KCNT1: variants seen among roughly 807,000 people sequenced by gnomAD.
KCNT1 encodes potassium channel subfamily T member 1.
A neutral mutation model predicts 147.8 loss-of-function variants in KCNT1; 78 were observed. That is an observed-to-expected ratio of 0.53 (90% CI 0.44 to 0.64). KCNT1 has a LOEUF of 0.64. KCNT1 is among the 30% of genes least tolerant of loss of function. The probability of loss-of-function intolerance (pLI) is 0.00; values close to 1 mark genes in which losing one functional copy is unlikely to be tolerated. For synonymous variants in KCNT1, 867 were observed against 748.8 expected, an observed-to-expected ratio of 1.16 and a Z score of -2.58; for missense variants, 1,419 against 1,750.3, an observed-to-expected ratio of 0.81 and a Z score of 3.38.
At chr9:135,727,031 T>C (rs1357926236) in intron 2 of KCNT1, among the ~76,000 whole-genome samples, 9 of 64,810 alleles carry the variant, frequency 1.4e-4, no homozygotes, top group Non-Finnish European at 2.2e-4. Flanking sequence ...CTCCCTCTCT[T>C]TCCCATTCTC....
At chr9:135,706,904 C>T (rs1226830277) in intron 1 of KCNT1, among the ~76,000 whole-genome samples, 1 of 152,056 alleles carries the variant, frequency 6.6e-6, no homozygotes, top group Admixed American at 6.5e-5. Flanking sequence ...AGCAGGGGCC[C>T]TGTGCCTCAG....
At chr9:135,750,710 C>T (rs572172222) in intron 3 of KCNT1, 10 of 586,234 alleles carry the variant, frequency 1.7e-5, no homozygotes, top group Admixed American at 1.2e-4. Context: ...ATCCCCTGCA[C>T]CCCAAGTTCA....
At chr9:135,774,609 T>G (rs1219180862) in intron 19 of KCNT1, among the ~76,000 whole-genome samples, 1 of 151,196 alleles carries the variant, frequency 6.6e-6, no homozygotes, top group African/African-American at 2.4e-5. Context: ...TGTTGTGTGT[T>G]GTGTATGTTG....
intron 2 of KCNT1, chr9:135,742,782 G>A (rs988103241): frequency 5.6e-6 from 4 of 717,276 alleles, no homozygotes; most frequent in South Asian, 1.5e-5. Flanking sequence ...GCTTCCTGTA[G>A]AAGATTTCAG....
chr9:135,718,646 G>T (rs554547833), intron 2 of KCNT1, among the ~76,000 whole-genome samples: 1 of 152,316 alleles, frequency 6.6e-6, no homozygotes, highest in African/African-American at 2.4e-5. Context: ...GGTGCAATGT[G>T]GGGGCTCAGC....
chr9:135,708,771 C>T (rs1354955832), intron 1 of KCNT1, among the ~76,000 whole-genome samples: 1 of 152,208 alleles, frequency 6.6e-6, no homozygotes, highest in African/African-American at 2.4e-5. Context: ...TCAGGAACTC[C>T]TGGGCTCAAG....
chr9:135,756,747 G>A (rs1831504748), intron 6 of KCNT1, 126 bp from the exon 7 acceptor site: 1 of 808,430 alleles, frequency 1.2e-6, no homozygotes, highest in Non-Finnish European at 2.2e-6. Flanking sequence ...ACATGGGAGT[G>A]AGGGTCAAGG....
chr9:135,766,063 A>G (rs1057478283), intron 13 of KCNT1, among the ~76,000 whole-genome samples: 26 of 95,258 alleles, frequency 2.7e-4, no homozygotes, highest in Admixed American at 2.1e-3. Context: ...TCCAGGGTGG[A>G]CCATCTGGGG....
intron 2 of KCNT1, among the ~76,000 whole-genome samples, chr9:135,725,337 G>T (rs1272547867): frequency 6.6e-6 from 1 of 152,238 alleles, no homozygotes; most frequent in Non-Finnish European, 1.5e-5. Flanking sequence ...ATTAGTTGAG[G>T]ATCTCAAGGT....
rs1366682857 is a variant in KCNT1, at chr9:135,768,506, C to T, written c.1338-104C>T. 20 of 792,998 alleles carry T rather than the reference C, an allele frequency of 2.5e-5. No individual in the cohort carries two copies. In the East Asian group the frequency reaches 4.3e-4, roughly 17 times the overall value. 49.1% of individuals were successfully genotyped at this position (792,998 alleles called of 1,614,324 possible). ...AGTCTCTTTCTGTGCACCTGCTGCA[C>T]CAGCCTCCTCCCAGAGGAGGTCCTC... On this transcript the variant is annotated intron_variant, in intron 13 of 30. Coordinates refer to ENST00000371757, the MANE Select transcript of KCNT1 (RefSeq NM_020822.3).
chr9:135,783,743 G>T (rs1287530464), intron 24 of KCNT1, among the ~76,000 whole-genome samples: 1 of 152,256 alleles, frequency 6.6e-6, no homozygotes, highest in Admixed American at 6.5e-5. Flanking sequence ...AGTGCCCATG[G>T]CAGCCGCCGG....
chr9:135,763,179 C>G (rs1832029676), intron 11 of KCNT1, among the ~76,000 whole-genome samples: 1 of 152,186 alleles, frequency 6.6e-6, no homozygotes, highest in Non-Finnish European at 1.5e-5. Flanking sequence ...CCTGGCAGGG[C>G]TGGGGGTGAT....
Position 135,775,404 on chromosome 9 carries a change from C to T in KCNT1, c.2338C>T (p.Arg780Trp). ...LPVKAPFCCL[R>W]LDKGCKHNSY... ...TGTGAAAGCCCCCTTCTGCTGCCTG[C>T]GGCTGGACAAGGTAAGGCTGGCGGC... is the stretch of plus-strand genomic sequence containing the variant. The change falls in exon 20 of 31, where the codon CGG (arginine) becomes TGG (tryptophan). Residue 780 changes from arginine (R) to tryptophan (W), a missense_variant. By Grantham distance (101) the Arg-to-Trp change is moderately radical. Transcript: ENST00000371757. 1.9e-6 allele frequency: 3 copies of T among 1,609,586 alleles called. No homozygotes were observed. Among genetic ancestry groups the T allele is most frequent in the Non-Finnish European group, 2.5e-6 (3 of 1,177,746 alleles).
intron 1 of KCNT1, among the ~76,000 whole-genome samples, chr9:135,705,277 C>T (rs771460092): frequency 6.6e-6 from 1 of 152,170 alleles, no homozygotes; most frequent in African/African-American, 2.4e-5. Flanking sequence ...TGCCATCGGC[C>T]CTGGAAAGGG....
Position 135,791,811 on chromosome 9 carries a change from C to A in KCNT1, c.3517C>A (p.His1173Asn). Reference protein sequence around the residue: ...PTTGYDEMNDHQNTLSYVLIN... With the variant: ...PTTGYDEMNDNQNTLSYVLIN... ...GTCCTTTGCAGACGAGATGAACGAC[C>A]ACCAGAACACCCTCTCCTACGTCCT... The change falls in exon 30 of 31, where the codon CAC (histidine) becomes AAC (asparagine). Residue 1173 changes from histidine (H) to asparagine (N), a missense_variant. By Grantham distance (68) the His-to-Asn change is moderately conservative (BLOSUM62 1). Around this residue, in one of 5 missense-constraint regions of KCNT1, gnomAD observed 306 missense variants for 294.2 expected, o/e 1.04. Transcript: ENST00000371757. The A allele has an allele frequency of 6.2e-7, 1 of 1,613,828 alleles. No individual in the cohort carries two copies. Among genetic ancestry groups the A allele is most frequent in the Non-Finnish European group, 8.5e-7 (1 of 1,179,908 alleles).
At chr9:135,765,314 G>A in intron 12 of KCNT1, 119 bp downstream of exon 12, 2 of 998,054 alleles carry the variant, frequency 2.0e-6, no homozygotes, top group Non-Finnish European at 3.0e-6. Flanking sequence ...TACCCCTTCA[G>A]TGAGGGCAGA....
intron 29 of KCNT1, among the ~76,000 whole-genome samples, chr9:135,787,500 T>G (rs1834155670): frequency 6.6e-6 from 1 of 152,130 alleles, no homozygotes; most frequent in Non-Finnish European, 1.5e-5. Context: ...GAGTGCCCCG[T>G]CTCCCAACCC....
intron 29 of KCNT1, among the ~76,000 whole-genome samples, chr9:135,786,845 T>C (rs1834096035): frequency 6.6e-6 from 1 of 152,192 alleles, no homozygotes; most frequent in Non-Finnish European, 1.5e-5. Context: ...GGGGCCTCAG[T>C]TTCCCTCTCT....
intron 6 of KCNT1, among the ~76,000 whole-genome samples, chr9:135,755,823 TCCAGGCTCAGTAAATGCTGAGGACAAAC>T (rs1371204103): frequency 8.5e-5 from 11 of 130,072 alleles, no homozygotes; most frequent in Non-Finnish European, 1.5e-4. Context: ...TGAGGACAAA[TCCAGGCTCAGTAAATGCTGAGGACAAAC>T]CCAGGCTCAG....
Sources: allele counts gnomAD v4.1 joint callset (sites outside exome capture counted in the v4.1 genomes callset), GRCh38; gene constraint gnomAD v4.1.1; regional missense constraint gnomAD v4.1.1; transcripts MANE v1.5; gene names NCBI Gene and HGNC (gene_info 2026-07-23, HGNC 2026-07-21).